TMTC1: variants seen among roughly 807,000 people sequenced by gnomAD.
TMTC1 encodes protein O-mannosyl-transferase TMTC1.
Under a neutral mutation model 104.8 loss-of-function variants are expected in TMTC1, and 73 were observed. The observed-to-expected ratio is 0.70, with a 90% CI of 0.58 to 0.85. The LOEUF (loss-of-function observed/expected upper bound fraction) is 0.85. Ranked by LOEUF, TMTC1 falls within the 40% of genes least tolerant of loss-of-function variation. TMTC1 has a pLI of 0.00. For missense variants in TMTC1, 1,035 were observed against 1,096.1 expected, an observed-to-expected ratio of 0.94 and a Z score of 0.79; for synonymous variants, 434 against 428.7, an observed-to-expected ratio of 1.01 and a Z score of -0.15.
intron 5 of TMTC1, 80 bp downstream of exon 5, chr12:29,751,586 A>G: frequency 6.7e-7 from 1 of 1,488,896 alleles, no homozygotes; most frequent in Non-Finnish European, 9.4e-7. Context: ...TCAGTGCTTC[A>G]CTTCCCCAGG....
intron 6 of TMTC1, among the ~76,000 whole-genome samples, chr12:29,607,097 C>T (rs1306047852): frequency 6.6e-6 from 1 of 152,158 alleles, no homozygotes; most frequent in East Asian, 1.9e-4. Flanking sequence ...ATCTGATGTG[C>T]ACATGGAAAA....
intron 5 of TMTC1, among the ~76,000 whole-genome samples, chr12:29,751,045 G>C (rs911160110): frequency 3.9e-5 from 6 of 152,196 alleles, no homozygotes; most frequent in African/African-American, 1.4e-4. Flanking sequence ...GCTTTTTAAT[G>C]TGCCTCAGTT....
intron 12 of TMTC1, chr12:29,519,691 A>G (rs1485514634): frequency 6.6e-6 from 1 of 152,196 alleles, no homozygotes; most frequent in African/African-American, 2.4e-5. Context: ...GTTGAAGTAA[A>G]AGGAGGAGGG....
chr12:29,748,080 G>GT (rs995541909), intron 5 of TMTC1, among the ~76,000 whole-genome samples: 4 of 152,016 alleles, frequency 2.6e-5, no homozygotes, highest in African/African-American at 4.8e-5. Context: ...ACTGTTTTTT[G>GT]TTTTTTGTTT....
intron 6 of TMTC1, among the ~76,000 whole-genome samples, chr12:29,624,632 G>GCC (rs1937877495): frequency 6.6e-6 from 1 of 152,160 alleles, no homozygotes; most frequent in South Asian, 2.1e-4. Flanking sequence ...TCCCCAAACA[G>GCC]CCACATGGCT....
At chr12:29,765,300 T>C (rs1022060974) in intron 2 of TMTC1, among the ~76,000 whole-genome samples, 3 of 152,162 alleles carry the variant, frequency 2.0e-5, no homozygotes, top group Non-Finnish European at 4.4e-5. Context: ...AATGAGGCCA[T>C]AATGTTCCTG....
chr12:29,611,927 G>A (rs1014962836), intron 6 of TMTC1, among the ~76,000 whole-genome samples: 1 of 152,110 alleles, frequency 6.6e-6, no homozygotes, highest in Non-Finnish European at 1.5e-5. Context: ...GCCCACTGAA[G>A]CCTCATGATA....
intron 5 of TMTC1, among the ~76,000 whole-genome samples, chr12:29,650,680 A>C (rs1293986746): frequency 6.6e-6 from 1 of 152,230 alleles, no homozygotes; most frequent in Non-Finnish European, 1.5e-5. Flanking sequence ...TAAGTTTTCT[A>C]GCAGGGAAAC....
intron 11 of TMTC1, among the ~76,000 whole-genome samples, chr12:29,529,444 C>G (rs1944438004): frequency 6.6e-6 from 1 of 152,116 alleles, no homozygotes; most frequent in East Asian, 1.9e-4. Flanking sequence ...TAATTTAAAG[C>G]CACAGAGTCT....
chr12:29,562,055 G>A (rs2136275293), intron 9 of TMTC1, among the ~76,000 whole-genome samples: 1 of 152,236 alleles, frequency 6.6e-6, no homozygotes, highest in South Asian at 2.1e-4. Context: ...ATTAGTCTGT[G>A]GCATATTTTA....
At chr12:29,672,591 C>T (rs573351700) in intron 5 of TMTC1, among the ~76,000 whole-genome samples, 1 of 152,280 alleles carries the variant, frequency 6.6e-6, no homozygotes, top group African/African-American at 2.4e-5. Context: ...TAAACATCTA[C>T]AAATTCACTT....
chr12:29,755,999 G>T, intron 3 of TMTC1, 114 bp from the exon 4 acceptor site: 1 of 1,117,694 alleles, frequency 8.9e-7, no homozygotes, highest in Non-Finnish European at 1.3e-6. Context: ...AAGTAATTAA[G>T]CAGGTAAGTA....
At chr12:29,747,012 A>C (rs1236462863) in intron 5 of TMTC1, among the ~76,000 whole-genome samples, 1 of 152,210 alleles carries the variant, frequency 6.6e-6, no homozygotes, top group African/African-American at 2.4e-5. Context: ...TATACCCTGA[A>C]GGGTAGCAGA....
At chr12:29,607,570 T>C (rs190136266) in intron 6 of TMTC1, among the ~76,000 whole-genome samples, 1 of 152,290 alleles carries the variant, frequency 6.6e-6, no homozygotes, top group African/African-American at 2.4e-5. Context: ...AGACTAGTCA[T>C]GTCAGCAAGT....
intron 6 of TMTC1, among the ~76,000 whole-genome samples, chr12:29,621,738 G>T (rs906922104): frequency 5.3e-5 from 8 of 152,180 alleles, no homozygotes; most frequent in African/African-American, 1.9e-4. Flanking sequence ...GTGTTGTGGT[G>T]AGTAGGTTGA....
At chr12:29,511,979 G>A in intron 17 of TMTC1, 64 bp downstream of exon 17, 1 of 1,420,644 alleles carries the variant, frequency 7.0e-7, no homozygotes, top group Non-Finnish European at 1.0e-6. Context: ...CTTTAAGAAA[G>A]AAGACAGAGA....
At chr12:29,604,116 G>A (rs1006565615) in intron 7 of TMTC1, 62 bp downstream of exon 7, 144 of 1,601,134 alleles carry the variant, frequency 9.0e-5, no homozygotes, top group Non-Finnish European at 5.2e-5. Context: ...TGTCTCTCTG[G>A]AACTATCAAT....
intron 8 of TMTC1, among the ~76,000 whole-genome samples, chr12:29,579,994 T>A: frequency 6.6e-6 from 1 of 152,156 alleles, no homozygotes; most frequent in East Asian, 1.9e-4. Flanking sequence ...ACACCTCTGA[T>A]AATACACAAG....
chr12:29,714,977 TTC>T (rs1221561885), intron 5 of TMTC1, among the ~76,000 whole-genome samples: 2 of 152,240 alleles, frequency 1.3e-5, no homozygotes, highest in Non-Finnish European at 2.9e-5. Context: ...CCCTTACTTT[TTC>T]TCTTTTAAAA....
Sources: gnomAD v4.1 joint callset for allele counts (sites outside exome capture counted in the v4.1 genomes callset) on GRCh38, gnomAD v4.1.1 for gene constraint, MANE v1.5 for transcripts, NCBI Gene and HGNC (gene_info 2026-07-23, HGNC 2026-07-21) for gene names.